Variants in PPP2R5D observed in about 807,000 individuals in gnomAD.
The protein encoded by PPP2R5D is serine/threonine-protein phosphatase 2A 56 kDa regulatory subunit delta isoform.
PPP2R5D carries 12 observed loss-of-function variants against 79.1 expected under a neutral mutation model. The observed-to-expected ratio is 0.15, with a 90% confidence interval of 0.10 to 0.25. The LOEUF is 0.25. PPP2R5D is among the 10% of genes least tolerant of loss of function. PPP2R5D has a pLI of 1.00. For synonymous variants in PPP2R5D, 277 were observed against 286.6 expected (o/e 0.97, Z 0.34); for missense variants, 419 against 760.2 (o/e 0.55, Z 5.28).
chr6:42,988,241 A>G (rs867941000), intron 1 of PPP2R5D, among the ~76,000 whole-genome samples: 1 of 152,340 alleles, frequency 6.6e-6, no homozygotes, highest in South Asian at 2.1e-4. Context: ...CTGCTATTGA[A>G]TTGCACAATC....
chr6:42,998,921 G>C (rs1771983473), intron 2 of PPP2R5D, among the ~76,000 whole-genome samples: 1 of 152,184 alleles, frequency 6.6e-6, no homozygotes, highest in Non-Finnish European at 1.5e-5. Context: ...TGTAATCCCA[G>C]CTACTCAGGA....
At chr6:42,996,577 G>A (rs1045947833) in intron 2 of PPP2R5D, among the ~76,000 whole-genome samples, 2 of 152,080 alleles carry the variant, frequency 1.3e-5, no homozygotes, top group Admixed American at 6.5e-5. Flanking sequence ...AGAGTTTACA[G>A]CTCAGCCTTC....
chr6:42,994,365 G>A (rs1002475740), intron 2 of PPP2R5D, among the ~76,000 whole-genome samples: 1 of 152,208 alleles, frequency 6.6e-6, no homozygotes, highest in Non-Finnish European at 1.5e-5. Context: ...CCAGGTCTGT[G>A]TGACTCTGGA....
Position 42,989,613 on chromosome 6 carries a change from G to T in PPP2R5D, c.30G>T (p.Glu10Asp). ...TTACTTTCATCTTTTCCTTTCAGGAGCCCCCCAAGGTTGCCAAATGCACAG... is the reference window on the plus strand; with the variant it reads ...TTACTTTCATCTTTTCCTTTCAGGATCCCCCCAAGGTTGCCAAATGCACAG... MPYKLKKEK[E>D]PPKVAKCTAK... Residue 10 changes from glutamate (E) to aspartate (D), a missense_variant and splice_region_variant, in exon 2 of 16, where the codon GAG becomes GAT. By Grantham distance (45) the Glu-to-Asp change is conservative. Coordinates refer to ENST00000485511, the MANE Select transcript of PPP2R5D (RefSeq NM_006245.4). 6.2e-7 allele frequency: 1 copy of T among 1,612,794 alleles called. No individual in the cohort carries two copies. Among genetic ancestry groups the T allele is most frequent in the Non-Finnish European group, 8.5e-7 (1 of 1,179,006 alleles).
Position 43,009,545 on chromosome 6 carries a change from C to T in PPP2R5D, c.1379+96C>T. On this transcript the variant is annotated intron_variant, in intron 12 of 15. Coordinates refer to ENST00000485511, the MANE Select transcript of PPP2R5D (RefSeq NM_006245.4). This position sits in a 1 kb window ranked among gnomAD's most constrained non-coding sequence, Gnocchi z 5.6. ...AGAGCCAGGGGTCTCACCTAGTCAC[C>T]CAGCAAGTGGGGCTGATGTCCCCTG... The T allele has an allele frequency of 6.5e-7, 1 of 1,530,770 alleles. No individual in the cohort carries two copies. The allele number at this position is 1,530,770 out of a possible 1,614,324, so 94.8% of individuals were successfully genotyped here. A position where few individuals can be genotyped will look rare whatever the true frequency, so the allele number is the denominator to read the frequency against.
At chr6:42,990,855 G>T (rs1771213880) in intron 2 of PPP2R5D, among the ~76,000 whole-genome samples, 1 of 151,662 alleles carries the variant, frequency 6.6e-6, no homozygotes, top group African/African-American at 2.4e-5. Flanking sequence ...GATTACAGGC[G>T]CATGCCACCA....
intron 1 of PPP2R5D, among the ~76,000 whole-genome samples, chr6:42,988,858 T>C (rs572675703): frequency 6.6e-6 from 1 of 152,356 alleles, no homozygotes; most frequent in South Asian, 2.1e-4. Context: ...TTTTCACATT[T>C]TCCCTATCCT....
At chr6:42,988,947 G>A (rs1771052218) in intron 1 of PPP2R5D, among the ~76,000 whole-genome samples, 1 of 152,210 alleles carries the variant, frequency 6.6e-6, no homozygotes, top group African/African-American at 2.4e-5. Flanking sequence ...CCAGCTGCCA[G>A]GTTCCCAAAG....
rs1283833548 is a variant in PPP2R5D, at chr6:43,007,664, C to T, written c.726+158C>T. Among the ~76,000 whole-genome samples the T allele has an allele frequency of 6.6e-6, 1 of 152,136 alleles. No homozygotes were observed. The highest frequency in any genetic ancestry group is 1.5e-5 in the Non-Finnish European group (1 of 68,024). On this transcript the variant is annotated intron_variant, in intron 6 of 15. Coordinates refer to ENST00000485511, the MANE Select transcript of PPP2R5D (RefSeq NM_006245.4). The surrounding 1 kb of genome is among the most constrained non-coding windows in gnomAD (Gnocchi z 4.5). The stretch of plus-strand genomic sequence containing the variant: ...GGTAAAAAACAAAACAAAACAAAAC[C>T]CTACTCTGGCCTTAAGAAACTAACA...
Position 43,007,943 on chromosome 6 carries a change from C to A in PPP2R5D, c.735C>A (p.Asp245Glu). The A allele has an allele frequency of 1.2e-6, 2 of 1,614,206 alleles. No homozygotes were observed. Among genetic ancestry groups the A allele is most frequent in the South Asian group, 2.2e-5 (2 of 91,084 alleles). Residue 245 changes from aspartate to glutamate, a missense_variant, in exon 7 of 16, where the codon GAC becomes GAA. Coordinates refer to ENST00000485511, the MANE Select transcript of PPP2R5D (RefSeq NM_006245.4). This position sits in a 1 kb window ranked among gnomAD's most constrained non-coding sequence, Gnocchi z 4.5. ...CTCCCTTGTACCCCCAGCTCCTAGA[C>A]CTATTTGACAGTGAGGATCCTCGAG... ...IDQKFVLALL[D>E]LFDSEDPRER... is the part of the protein sequence containing the mutation.
In PPP2R5D at chr6:43,008,208, T is replaced by TACG; in HGVS notation, c.867_869dup (p.Tyr289_Glu290insAsp). On this transcript the variant is annotated inframe_insertion, in exon 8 of 16. Coordinates refer to ENST00000485511, the MANE Select transcript of PPP2R5D (RefSeq NM_006245.4). The surrounding 1 kb of genome is among the most constrained non-coding windows in gnomAD (Gnocchi z 4.2). Reference sequence around the variant, plus strand: ...CCATTTTTCTTCCCTCAGGTTCATCTACGAGACGGAGCATCACAACGGGAT... The same window carrying TACG: ...CCATTTTTCTTCCCTCAGGTTCATCTACGACGAGACGGAGCATCACAACGGGAT... 6.2e-7 allele frequency: 1 copy of TACG among 1,614,160 alleles called. No individual in the cohort carries two copies. The highest frequency in any genetic ancestry group is 8.5e-7 in the Non-Finnish European group (1 of 1,180,026).
In PPP2R5D at chr6:43,006,441, A is replaced by T. The variant is rs1409341236; in HGVS notation, c.106-22A>T. On this transcript the variant is annotated intron_variant, in intron 2 of 15. Coordinates refer to ENST00000485511, the MANE Select transcript of PPP2R5D (RefSeq NM_006245.4). The surrounding 1 kb of genome is among the most constrained non-coding windows in gnomAD (Gnocchi z 4.7). Reference sequence around the variant, plus strand: ...AGGCATATCTTGGGAAGTGGATTTCAACAGGTGACTTGTTTGACCAGGCCC... The same window carrying T: ...AGGCATATCTTGGGAAGTGGATTTCTACAGGTGACTTGTTTGACCAGGCCC... The T allele has an allele frequency of 8.1e-6, 13 of 1,610,796 alleles. No homozygotes were observed. The highest frequency in any genetic ancestry group is 1.1e-5 in the Non-Finnish European group (13 of 1,178,780).
At position 43,012,330 on chromosome 6, in the gene PPP2R5D, G is replaced by T; in HGVS notation, c.*1044G>T. 1 of 1,470,214 alleles carries T rather than the reference G, an allele frequency of 6.8e-7. No homozygotes were observed. Among genetic ancestry groups the T allele is most frequent in the Non-Finnish European group, 9.0e-7 (1 of 1,111,576 alleles). The allele number at this position is 1,470,214 out of a possible 1,614,324, so 91.1% of individuals were successfully genotyped here. A position where few individuals can be genotyped will look rare whatever the true frequency, so the allele number is the denominator to read the frequency against. On this transcript the variant is annotated 3_prime_UTR_variant, in exon 16 of 16. Transcript: ENST00000485511. ...CCATATGTACAGAACTGAATAAAGT[G>T]GGTCTCTGAGAAGTCTGATGTGCCT...
At position 43,009,498 on chromosome 6, in the gene PPP2R5D, T is replaced by A; in HGVS notation, c.1379+49T>A. On this transcript the variant is annotated intron_variant, in intron 12 of 15. Coordinates refer to ENST00000485511, the MANE Select transcript of PPP2R5D (RefSeq NM_006245.4). This position sits in a 1 kb window ranked among gnomAD's most constrained non-coding sequence, Gnocchi z 5.6. ...GTGGTGGGGATCCAGTTTGGGAAAC[T>A]TTGAGGGTATGGAAGAACTAAAGAG... 4.3e-6 allele frequency: 7 copies of A among 1,611,756 alleles called. No individual in the cohort carries two copies. Among genetic ancestry groups the A allele is most frequent in the Non-Finnish European group, 5.9e-6 (7 of 1,179,004 alleles).
chr6:42,993,923 A>T (rs1470284212), intron 2 of PPP2R5D, among the ~76,000 whole-genome samples: 1 of 152,224 alleles, frequency 6.6e-6, no homozygotes, highest in Non-Finnish European at 1.5e-5. Flanking sequence ...TGTGCTAAGT[A>T]CTTTGCATAC....
At position 42,984,644 on chromosome 6, in the gene PPP2R5D, C is replaced by T. The variant is rs770130255; in HGVS notation, c.-34C>T. 6.3e-7 allele frequency: 1 copy of T among 1,586,778 alleles called. No individual in the cohort carries two copies. The highest frequency in any genetic ancestry group is 8.6e-7 in the Non-Finnish European group (1 of 1,168,366). On this transcript the variant is annotated 5_prime_UTR_variant, in exon 1 of 16. Coordinates refer to ENST00000485511, the MANE Select transcript of PPP2R5D (RefSeq NM_006245.4). ...GAGCAAAGCCGGAGCCGGAGCGGGGCCGCAGGAGACGGGCCGGGTCCGGAC... is the reference window on the plus strand; with the variant it reads ...GAGCAAAGCCGGAGCCGGAGCGGGGTCGCAGGAGACGGGCCGGGTCCGGAC...
rs1212114939 is a variant in PPP2R5D at position 43,006,769 on chromosome 6, G to A, written c.322+90G>A. The A allele has an allele frequency of 3.8e-6, 6 of 1,578,742 alleles. No homozygotes were observed. The highest frequency in any genetic ancestry group is 2.2e-5 in the East Asian group (1 of 44,494). On this transcript the variant is annotated intron_variant, in intron 3 of 15. Transcript: ENST00000485511. This position sits in a 1 kb window ranked among gnomAD's most constrained non-coding sequence, Gnocchi z 4.7. ...TGGAAGTTTTGGGGTATTTTGCGGG[G>A]AAGGGAGTTCCAGAGAATGCGGGAA...
chr6:42,993,292 C>T (rs991021636), intron 2 of PPP2R5D, among the ~76,000 whole-genome samples: 45 of 145,444 alleles, frequency 3.1e-4, no homozygotes, highest in Admixed American at 1.9e-3. Flanking sequence ...AGCGAAACTC[C>T]GTCTCAAAAA....
chr6:43,006,585 G>C lies in PPP2R5D; in HGVS notation c.228G>C (p.Gly76=). The C allele has an allele frequency of 6.2e-7, 1 of 1,614,120 alleles. No individual in the cohort carries two copies. Among genetic ancestry groups the C allele is most frequent in the Middle Eastern group, 1.6e-4 (1 of 6,062 alleles). Residue 76 remains glycine (G), a synonymous_variant, in exon 3 of 16, where the codon GGG becomes GGC. Coordinates refer to ENST00000485511, the MANE Select transcript of PPP2R5D (RefSeq NM_006245.4). The surrounding 1 kb of genome is among the most constrained non-coding windows in gnomAD (Gnocchi z 4.7). ...PTQLSKIKYS[G]GPQIVKKERR... is the part of the protein sequence containing the mutation. The stretch of plus-strand genomic sequence containing the variant: ...AGCTCAGCAAAATCAAGTACTCAGG[G>C]GGGCCCCAGATTGTCAAGAAGGAGC...
Sources: allele counts gnomAD v4.1 joint callset (sites outside exome capture counted in the v4.1 genomes callset), GRCh38; gene constraint gnomAD v4.1.1; non-coding constraint Gnocchi (gnomAD v3.1); transcripts MANE v1.5; gene names NCBI Gene and HGNC (gene_info 2026-07-23, HGNC 2026-07-21).